FARP1: variants seen among roughly 807,000 people sequenced by gnomAD.
The protein encoded by FARP1 is FERM, ARHGEF and pleckstrin domain-containing protein 1.
A neutral mutation model predicts 128.8 loss-of-function variants in FARP1; 52 were observed. The ratio of observed to expected loss-of-function variants is 0.40; its 90% CI spans 0.32 to 0.51. The LOEUF (loss-of-function observed/expected upper bound fraction) is 0.51, where lower values mean the gene tolerates loss of function less well. Among genes scored for constraint, FARP1 ranks in the 20% least tolerant of loss-of-function variants. The pLI, the probability that FARP1 is intolerant of heterozygous loss-of-function variation, is 0.45. For synonymous variants in FARP1, 580 were observed against 551.8 expected (o/e 1.05, Z -0.72); for missense variants, 1,333 against 1,367.9 (o/e 0.97, Z 0.40).
At chr13:98,197,516 A>G (rs116939284) in intron 1 of FARP1, among the ~76,000 whole-genome samples, 7,572 of 152,278 alleles carry the variant, frequency 0.05, 236 homozygotes, top group Non-Finnish European at 0.065. Context: ...TCTGTGGATG[A>G]TAACACAGGA....
chr13:98,346,744 C>CA (rs1009233306), intron 3 of FARP1, among the ~76,000 whole-genome samples: 23 of 150,734 alleles, frequency 1.5e-4, no homozygotes, highest in South Asian at 6.3e-4. Context: ...GATTCCATCT[C>CA]AAAAAAAAAG....
intron 2 of FARP1, among the ~76,000 whole-genome samples, chr13:98,217,880 T>G (rs1446213271): frequency 6.6e-6 from 1 of 152,142 alleles, no homozygotes; most frequent in Non-Finnish European, 1.5e-5. Context: ...TGCTCGGTCG[T>G]TTAACTATAC....
intron 1 of FARP1, among the ~76,000 whole-genome samples, chr13:98,169,916 G>T (rs1234340420): frequency 6.6e-6 from 1 of 151,940 alleles, no homozygotes; most frequent in Non-Finnish European, 1.5e-5. Flanking sequence ...CATATTATTT[G>T]ATTATTAGGG....
chr13:98,365,758 A>C (rs2139965703), intron 4 of FARP1, among the ~76,000 whole-genome samples: 1 of 152,320 alleles, frequency 6.6e-6, no homozygotes, highest in Non-Finnish European at 1.5e-5. Flanking sequence ...TCACTTTCGA[A>C]GGGAAGAGGT....
intron 6 of FARP1, chr13:98,383,504 A>G (rs1889969604): frequency 1.3e-5 from 2 of 152,332 alleles, no homozygotes; most frequent in African/African-American, 4.8e-5. Flanking sequence ...CATCCAGGCC[A>G]TGTCCTGCTT....
At chr13:98,206,003 A>G (rs936018351) in intron 1 of FARP1, among the ~76,000 whole-genome samples, 3 of 151,932 alleles carry the variant, frequency 2.0e-5, no homozygotes, top group African/African-American at 4.8e-5. Flanking sequence ...TGCATGTAAC[A>G]TTTTCTTTGG....
intron 1 of FARP1, among the ~76,000 whole-genome samples, chr13:98,163,289 AG>A (rs1339229635): frequency 1.3e-5 from 2 of 152,096 alleles, no homozygotes; most frequent in African/African-American, 4.8e-5. Context: ...GGACACACAG[AG>A]GGGAACAACA....
rs201786870 is a variant in FARP1 at position 98,263,651 on chromosome 13, G to A, written c.171+50238G>A. Among the ~76,000 whole-genome samples, 3 of 152,156 alleles carry A rather than the reference G, an allele frequency of 2.0e-5. No individual in the cohort carries two copies. In the East Asian group the frequency reaches 5.8e-4, roughly 29 times the overall value. On this transcript the variant is annotated intron_variant, in intron 2 of 26. Transcript: ENST00000319562. ...GCTCTTTGAAGCAATCTCTTCTAAG[G>A]AAATAGGTAGATCTGTGTGCAAAAA...
At chr13:98,300,547 T>C (rs1885880720) in intron 2 of FARP1, among the ~76,000 whole-genome samples, 1 of 152,160 alleles carries the variant, frequency 6.6e-6, no homozygotes, top group African/African-American at 2.4e-5. Flanking sequence ...ATACAAAATG[T>C]GTTCTGTACA....
At chr13:98,215,280 T>G (rs1427658678) in intron 2 of FARP1, among the ~76,000 whole-genome samples, 2 of 152,224 alleles carry the variant, frequency 1.3e-5, no homozygotes, top group African/African-American at 4.8e-5. Context: ...GAAGGAACCT[T>G]TCTCATGCTC....
rs189274624 is a variant in FARP1, at chr13:98,393,076, G to C, written c.1089-567G>C. Among the ~76,000 whole-genome samples the C allele has an allele frequency of 4.6e-5, 7 of 152,272 alleles. No homozygotes were observed. The East Asian group carries it at 9.6e-4, about 21-fold the overall frequency. On this transcript the variant is annotated intron_variant, in intron 11 of 26. Transcript: ENST00000319562. ...CAGTGCCTGTTTGATGGGGAAAAGG[G>C]GAATAGGCAGACTGAGAGGGAAGAG...
intron 2 of FARP1, among the ~76,000 whole-genome samples, chr13:98,247,117 C>T (rs1482481442): frequency 6.6e-6 from 1 of 152,218 alleles, no homozygotes; most frequent in Non-Finnish European, 1.5e-5. Context: ...ACCCGCATGC[C>T]TGTAATCCCA....
intron 13 of FARP1, chr13:98,407,326 A>G (rs566489096): frequency 8.0e-6 from 1 of 124,320 alleles, no homozygotes; most frequent in South Asian, 3.1e-4. Context: ...TTGTAGTGAT[A>G]ACATTTTTCT....
At chr13:98,325,696 A>T (rs1887199113) in intron 2 of FARP1, among the ~76,000 whole-genome samples, 1 of 152,242 alleles carries the variant, frequency 6.6e-6, no homozygotes, top group Non-Finnish European at 1.5e-5. Context: ...ACACATACTC[A>T]GGTTTCCTCA....
At chr13:98,395,669 A>T in intron 13 of FARP1, 193 bp downstream of exon 13, 1 of 637,270 alleles carries the variant, frequency 1.6e-6, no homozygotes. Flanking sequence ...TCCAGGGAGG[A>T]GGGGCGAAGA....
chr13:98,256,378 G>C (rs9517234), intron 2 of FARP1, among the ~76,000 whole-genome samples: 112,790 of 152,054 alleles, frequency 0.74, 44,370 homozygotes, highest in East Asian at 0.89. Context: ...GTGGTTATCA[G>C]AGGCAGGGGA....
In FARP1 at chr13:98,176,096, CTG is replaced by C; in HGVS notation, c.-24+32606_-24+32607del. The C allele has an allele frequency of 1.5e-6, 2 of 1,358,476 alleles. No homozygotes were observed. The highest frequency in any genetic ancestry group is 2.4e-5 in the South Asian group (2 of 81,870). 84.2% of individuals were successfully genotyped at this position (1,358,476 alleles called of 1,614,324 possible). A position where few individuals can be genotyped will look rare whatever the true frequency, so the allele number is the denominator to read the frequency against. On this transcript the variant is annotated intron_variant, in intron 1 of 26. Coordinates refer to ENST00000319562, the MANE Select transcript of FARP1 (RefSeq NM_005766.4). The surrounding 1 kb of genome is among the most constrained non-coding windows in gnomAD (Gnocchi z 6.2). ...ACTCAGGCATGGGATTGCAGGAAGA[CTG>C]TCATCTCTCTCATCTTACTCAACAG...
At chr13:98,282,525 G>T (rs1342081317) in intron 2 of FARP1, among the ~76,000 whole-genome samples, 1 of 152,162 alleles carries the variant, frequency 6.6e-6, no homozygotes, top group Non-Finnish European at 1.5e-5. Flanking sequence ...AATGGTCTAA[G>T]ATCAGTTCTC....
chr13:98,183,223 T>C (rs1164379158), intron 1 of FARP1, among the ~76,000 whole-genome samples: 1 of 152,220 alleles, frequency 6.6e-6, no homozygotes, highest in Non-Finnish European at 1.5e-5. Context: ...TCTGCCTCTG[T>C]TTACAGAAGC....
Sources: allele counts gnomAD v4.1 joint callset (sites outside exome capture counted in the v4.1 genomes callset), GRCh38; gene constraint gnomAD v4.1.1; non-coding constraint Gnocchi (gnomAD v3.1); transcripts MANE v1.5; gene names NCBI Gene and HGNC (gene_info 2026-07-23, HGNC 2026-07-21).